PITPNM2: variants seen among roughly 807,000 people sequenced by gnomAD.
PITPNM2 encodes the protein membrane-associated phosphatidylinositol transfer protein 2.
A neutral mutation model predicts 132.2 loss-of-function variants in PITPNM2; 35 were observed. The observed-to-expected ratio is 0.26, with a 90% CI of 0.20 to 0.35. PITPNM2 has a LOEUF of 0.35. Among genes scored for constraint, PITPNM2 ranks in the 10% least tolerant of loss-of-function variants. PITPNM2 has a pLI of 1.00. For synonymous variants in PITPNM2, 738 were observed against 799.2 expected (o/e 0.92, Z 1.29); for missense variants, 1,332 against 1,912.0 (o/e 0.70, Z 5.66).
chr12:123,012,564 G>A (rs2039254152), intron 5 of PITPNM2, 49 bp downstream of exon 5: 1 of 1,605,302 alleles, frequency 6.2e-7, no homozygotes. Context: ...GGACCTGTGG[G>A]TAGGAAACCC....
At chr12:123,084,434 AC>A (rs993833062) in intron 2 of PITPNM2, 1 of 152,190 alleles carries the variant, frequency 6.6e-6, no homozygotes, top group African/African-American at 2.4e-5. Flanking sequence ...GCTCTCTGGG[AC>A]CCAGCCCCCG....
chr12:123,052,077 GTTTT>G (rs10606016), intron 2 of PITPNM2, among the ~76,000 whole-genome samples: 63 of 100,608 alleles, frequency 6.3e-4, no homozygotes, highest in Middle Eastern at 0.011. Context: ...TAATTTTATT[GTTTT>G]TTTTTTTTTT....
At chr12:123,051,088 G>A (rs997107376) in intron 2 of PITPNM2, among the ~76,000 whole-genome samples, 37 of 152,134 alleles carry the variant, frequency 2.4e-4, no homozygotes, top group African/African-American at 7.5e-4. Flanking sequence ...ATGATTTTGC[G>A]CAATGTCTTC....
At chr12:122,987,170 G>A (rs1383478061) in intron 23 of PITPNM2, 111 bp downstream of exon 23, 38 of 1,483,932 alleles carry the variant, frequency 2.6e-5, no homozygotes, top group Admixed American at 3.7e-5. Flanking sequence ...CCCAGTGCCC[G>A]AGCCAGGCGT....
At chr12:123,142,967 G>T (rs970683429) in intron 1 of PITPNM2, among the ~76,000 whole-genome samples, 1 of 151,956 alleles carries the variant, frequency 6.6e-6, no homozygotes, top group African/African-American at 2.4e-5. Context: ...GTGAGAGGAA[G>T]AATGTCCTCC....
At position 123,053,561 on chromosome 12, in the gene PITPNM2, T is replaced by A. The variant is rs565712260; in HGVS notation, c.-95-18876A>T. Among the ~76,000 whole-genome samples the A allele has an allele frequency of 3.3e-5, 5 of 149,540 alleles. No homozygotes were observed. In the East Asian group the frequency reaches 9.8e-4, roughly 29 times the overall value. ...TGTCCAGTGTCCCCCAATGGTGACATCTTTTTTTTTTTTTTTTTTTTTTGA... is the reference window on the plus strand; with the variant it reads ...TGTCCAGTGTCCCCCAATGGTGACAACTTTTTTTTTTTTTTTTTTTTTTGA... On this transcript the variant is annotated intron_variant, in intron 2 of 25. Transcript: ENST00000320201.
chr12:123,025,025 A>T (rs1458774978), intron 3 of PITPNM2, among the ~76,000 whole-genome samples: 1 of 152,194 alleles, frequency 6.6e-6, no homozygotes, highest in African/African-American at 2.4e-5. Flanking sequence ...TGAGAGAGAC[A>T]TGGGTCACCT....
chr12:123,059,202 C>T (rs773142403), intron 2 of PITPNM2, among the ~76,000 whole-genome samples: 2 of 152,244 alleles, frequency 1.3e-5, no homozygotes, highest in Non-Finnish European at 2.9e-5. Flanking sequence ...AAGCATGGGA[C>T]CTTTTCTGGG....
At chr12:123,038,654 G>A (rs909098900) in intron 2 of PITPNM2, among the ~76,000 whole-genome samples, 13 of 152,128 alleles carry the variant, frequency 8.5e-5, no homozygotes, top group Admixed American at 2.6e-4. Flanking sequence ...AAGGAACAGC[G>A]TGAGCAAAGG....
intron 2 of PITPNM2, among the ~76,000 whole-genome samples, chr12:123,101,480 G>A (rs972373001): frequency 1.3e-5 from 2 of 152,156 alleles, no homozygotes; most frequent in African/African-American, 4.8e-5. Context: ...TTGACTAAAA[G>A]GAATAAGGGA....
intron 2 of PITPNM2, among the ~76,000 whole-genome samples, chr12:123,069,858 G>A (rs1378660157): frequency 6.6e-6 from 1 of 152,196 alleles, no homozygotes; most frequent in African/African-American, 2.4e-5. Context: ...CCTTGGGCAG[G>A]TGACCCAACT....
intron 2 of PITPNM2, among the ~76,000 whole-genome samples, chr12:123,057,046 C>G (rs1434900740): frequency 6.6e-6 from 1 of 152,094 alleles, no homozygotes; most frequent in Non-Finnish European, 1.5e-5. Flanking sequence ...AGAATTCCTT[C>G]CTAACCGGGG....
At chr12:123,052,183 T>C (rs1454539553) in intron 2 of PITPNM2, among the ~76,000 whole-genome samples, 1 of 146,030 alleles carries the variant, frequency 6.8e-6, no homozygotes, top group Non-Finnish European at 1.5e-5. Context: ...TGCCTCGACC[T>C]CCCAAAGTGC....
chr12:122,996,375 T>G, intron 13 of PITPNM2, 83 bp downstream of exon 13: 1 of 1,559,816 alleles, frequency 6.4e-7, no homozygotes, highest in Non-Finnish European at 8.7e-7. Flanking sequence ...TGGGGCCAGG[T>G]GCAGGAACAG....
chr12:123,079,020 T>C (rs1002241966), intron 2 of PITPNM2, among the ~76,000 whole-genome samples: 1 of 152,220 alleles, frequency 6.6e-6, no homozygotes, highest in Admixed American at 6.5e-5. Flanking sequence ...ACAGAGATGA[T>C]ACCACGTTCT....
chr12:123,112,532 A>G (rs2042859033), intron 1 of PITPNM2, among the ~76,000 whole-genome samples: 1 of 151,668 alleles, frequency 6.6e-6, no homozygotes, highest in South Asian at 2.1e-4. Context: ...CCAAATCTTC[A>G]ATATACTTTT....
rs767789417 is a variant in PITPNM2 at position 122,986,404 on chromosome 12, C to T, written c.3726+32G>A. On this transcript the variant is annotated intron_variant, in intron 25 of 25. Coordinates refer to ENST00000320201, the MANE Select transcript of PITPNM2 (RefSeq NM_020845.3). ...AGGCTGGGGCTCCCCGAGCTGCCCG[C>T]CTGCACCCGCCCCCACAATGCGCCC... The T allele has an allele frequency of 1.5e-5, 24 of 1,565,224 alleles. No individual in the cohort carries two copies. In the South Asian group the frequency reaches 2.3e-4, roughly 15 times the overall value.
chr12:123,063,675 G>A (rs1292762788), intron 2 of PITPNM2, among the ~76,000 whole-genome samples: 1 of 152,066 alleles, frequency 6.6e-6, no homozygotes, highest in African/African-American at 2.4e-5. Context: ...CAGCCCCCAC[G>A]AGACCAGGCT....
At position 122,986,222 on chromosome 12, in the gene PITPNM2, G is replaced by A; in HGVS notation, c.3855C>T (p.Asp1285=). 6.4e-7 allele frequency: 1 copy of A among 1,567,168 alleles called. No individual in the cohort carries two copies. The highest frequency in any genetic ancestry group is 1.2e-5 in the South Asian group (1 of 85,994). The change falls in exon 26 of 26, where the codon GAC becomes GAT. Residue 1285 remains aspartate, a synonymous_variant. Transcript: ENST00000320201. ...GCAGGTGGTTCCGGGAGCGCAGAAA[G>A]TCGCCCTGGCCGGGCAGGCCGAAGC... ...KGSFGLPGQG[D]FLRSRNHLLR...
Sources: allele counts gnomAD v4.1 joint callset (sites outside exome capture counted in the v4.1 genomes callset), GRCh38; gene constraint gnomAD v4.1.1; transcripts MANE v1.5; gene names NCBI Gene and HGNC (gene_info 2026-07-23, HGNC 2026-07-21).